Variants in NUDT9 observed in about 807,000 individuals in gnomAD.
The protein encoded by NUDT9 is ADP-ribose pyrophosphatase.
NUDT9 carries 31 observed loss-of-function variants against 41.0 expected under a neutral mutation model. The observed-to-expected ratio is 0.76, with a 90% confidence interval of 0.57 to 1.02. NUDT9 has a LOEUF of 1.02. Among genes scored for constraint, NUDT9 ranks in the 50% least tolerant of loss-of-function variants. The probability of loss-of-function intolerance (pLI) is 0.00; values close to 1 mark genes in which losing one functional copy is unlikely to be tolerated. For missense variants in NUDT9, 380 were observed against 431.4 expected (o/e 0.88, Z 1.06); for synonymous variants, 146 against 147.6 (o/e 0.99, Z 0.08).
chr4:87,429,286 C>CAA, intron 1 of NUDT9, among the ~76,000 whole-genome samples: 1 of 152,086 alleles, frequency 6.6e-6, no homozygotes, highest in Non-Finnish European at 1.5e-5. Context: ...TGAGTAGCGG[C>CAA]AACTACAGGC....
intron 1 of NUDT9, among the ~76,000 whole-genome samples, chr4:87,427,287 C>T (rs1225522483): frequency 1.3e-5 from 2 of 152,102 alleles, no homozygotes; most frequent in Non-Finnish European, 2.9e-5. Context: ...CAAAGCACCA[C>T]GTCAGTATTG....
intron 3 of NUDT9, among the ~76,000 whole-genome samples, chr4:87,439,222 T>A (rs1300354169): frequency 1.3e-5 from 2 of 151,708 alleles, no homozygotes; most frequent in Non-Finnish European, 2.9e-5. Flanking sequence ...AGAAGTTTAA[T>A]TAACTTACAG....
At chr4:87,430,993 A>G (rs1403657405) in intron 1 of NUDT9, among the ~76,000 whole-genome samples, 1 of 152,158 alleles carries the variant, frequency 6.6e-6, no homozygotes, top group Non-Finnish European at 1.5e-5. Flanking sequence ...TTTTGGTGTC[A>G]TATCCAGAAA....
At chr4:87,445,957 T>C (rs1485269891) in intron 4 of NUDT9, among the ~76,000 whole-genome samples, 1 of 148,430 alleles carries the variant, frequency 6.7e-6, no homozygotes, top group Non-Finnish European at 1.5e-5. Context: ...TTGAGATGGG[T>C]CTTGCTATGT....
chr4:87,444,724 T>C (rs1014594351), intron 4 of NUDT9, among the ~76,000 whole-genome samples: 2 of 152,098 alleles, frequency 1.3e-5, no homozygotes, highest in Admixed American at 1.3e-4. Context: ...GACCCAATAG[T>C]GGCTGGGAGT....
intron 4 of NUDT9, among the ~76,000 whole-genome samples, chr4:87,447,649 C>T (rs1267009897): frequency 6.6e-6 from 1 of 151,920 alleles, no homozygotes; most frequent in Non-Finnish European, 1.5e-5. Flanking sequence ...ACTAACATTG[C>T]CTTGATACTT....
At chr4:87,441,803 A>G in intron 3 of NUDT9, 26 bp from the exon 4 acceptor site, 2 of 1,588,392 alleles carry the variant, frequency 1.3e-6, no homozygotes, top group South Asian at 2.2e-5. Context: ...CATTCAATTG[A>G]TTTTATGCTT....
At chr4:87,440,518 C>T (rs1401164250) in intron 3 of NUDT9, among the ~76,000 whole-genome samples, 1 of 152,120 alleles carries the variant, frequency 6.6e-6, no homozygotes, top group Non-Finnish European at 1.5e-5. Flanking sequence ...TGGCCTTGAT[C>T]ACTTGTGTTC....
chr4:87,455,259 T>A lies in NUDT9; in HGVS notation c.874+804T>A, dbSNP rs534854497. 2.0e-3 allele frequency among the ~76,000 whole-genome samples: 297 copies of A among 152,294 alleles called. 1 individual carries two copies. Among genetic ancestry groups the A allele is most frequent in the Non-Finnish European group, 3.3e-3 (222 of 68,000 alleles). Reference sequence around the variant, plus strand: ...GATCTGTCATTTCCATATCCTGTGCTTTTGCTTGTTGAACTTGGAGGAAAC... The same window carrying A: ...GATCTGTCATTTCCATATCCTGTGCATTTGCTTGTTGAACTTGGAGGAAAC... On this transcript the variant is annotated intron_variant, in intron 7 of 7. Transcript: ENST00000302174.
chr4:87,448,708 G>C (rs1035888200), intron 4 of NUDT9, among the ~76,000 whole-genome samples: 2 of 152,194 alleles, frequency 1.3e-5, no homozygotes, highest in Non-Finnish European at 2.9e-5. Flanking sequence ...TTGAACTCCT[G>C]AGCTCAAGCA....
chr4:87,436,986 C>A (rs528548085), intron 2 of NUDT9, among the ~76,000 whole-genome samples: 2 of 152,176 alleles, frequency 1.3e-5, no homozygotes, highest in South Asian at 4.1e-4. Flanking sequence ...CAGTGGCTCA[C>A]GCCTGTAATC....
Position 87,422,883 on chromosome 4 carries a change from G to T in NUDT9, c.-23G>T, listed in dbSNP as rs539457913. The stretch of plus-strand genomic sequence containing the variant: ...CACCAACTAAGAGCGACCTAGCATC[G>T]CAAAGCCGCCCTCGGGGCGCTCATG... On this transcript the variant is annotated 5_prime_UTR_variant, in exon 1 of 8. Transcript: ENST00000302174. The T allele has an allele frequency of 5.6e-6, 9 of 1,598,822 alleles. No individual in the cohort carries two copies. The East Asian group carries it at 2.0e-4, about 36-fold the overall frequency.
intron 7 of NUDT9, among the ~76,000 whole-genome samples, chr4:87,457,484 G>T (rs79480636): frequency 0.022 from 3,387 of 152,056 alleles, 138 homozygotes; most frequent in African/African-American, 0.077. Context: ...TGATCTACCC[G>T]CCTCAGCTTT....
At position 87,427,876 on chromosome 4, in the gene NUDT9, T is replaced by C. The variant is rs915434850; in HGVS notation, c.107+4864T>C. On this transcript the variant is annotated intron_variant, in intron 1 of 7. Transcript: ENST00000302174. ...TTTGCTTTTTAAAACACCTGAAGTCTGTTTGCTAATTTTGATAAATGTGTT... is the reference window on the plus strand; with the variant it reads ...TTTGCTTTTTAAAACACCTGAAGTCCGTTTGCTAATTTTGATAAATGTGTT... Among the ~76,000 whole-genome samples, 33 of 152,218 alleles carry C rather than the reference T, an allele frequency of 2.2e-4. 1 individual carries two copies. The highest frequency in any genetic ancestry group is 1.3e-4 in the Admixed American group (2 of 15,282).
At chr4:87,449,301 A>G (rs1722609148) in intron 5 of NUDT9, 48 bp downstream of exon 5, 2 of 964,954 alleles carry the variant, frequency 2.1e-6, no homozygotes, top group Non-Finnish European at 3.4e-6. Context: ...TAGTTGCTTT[A>G]CTTACTACAG....
chr4:87,443,107 T>TC (rs1722286100), intron 4 of NUDT9, among the ~76,000 whole-genome samples: 1 of 152,160 alleles, frequency 6.6e-6, no homozygotes, highest in African/African-American at 2.4e-5. Flanking sequence ...AGCATGTGAG[T>TC]AATGCATTGG....
Position 87,434,773 on chromosome 4 carries a change from G to C in NUDT9, c.108-208G>C, listed in dbSNP as rs866368469. Among the ~76,000 whole-genome samples the C allele has an allele frequency of 1.8e-4, 28 of 152,016 alleles. No individual in the cohort carries two copies. The Middle Eastern group carries it at 0.01, about 55-fold the overall frequency. ...GCCTCCCAAGTAGCTGGGATTACAG[G>C]CATATGCCACTAATTTTGTATTTTT... On this transcript the variant is annotated intron_variant, in intron 1 of 7. Coordinates refer to ENST00000302174, the MANE Select transcript of NUDT9 (RefSeq NM_024047.5).
chr4:87,425,550 A>C (rs1248002405), intron 1 of NUDT9, among the ~76,000 whole-genome samples: 1 of 151,208 alleles, frequency 6.6e-6, no homozygotes, highest in Non-Finnish European at 1.5e-5. Flanking sequence ...GCCCATCACC[A>C]TGCCTGGCTA....
At chr4:87,455,873 G>C (rs1392096085) in intron 7 of NUDT9, among the ~76,000 whole-genome samples, 1 of 151,964 alleles carries the variant, frequency 6.6e-6, no homozygotes, top group Non-Finnish European at 1.5e-5. Flanking sequence ...TGTTGGCCAG[G>C]CTGGTCTCAA....
Sources: allele counts gnomAD v4.1 joint callset (sites outside exome capture counted in the v4.1 genomes callset), GRCh38; gene constraint gnomAD v4.1.1; transcripts MANE v1.5; gene names NCBI Gene and HGNC (gene_info 2026-07-23, HGNC 2026-07-21).